ELMO1: variants seen among roughly 807,000 people sequenced by gnomAD.
ELMO1 encodes the protein engulfment and cell motility protein 1.
Under a neutral mutation model 98.9 loss-of-function variants are expected in ELMO1, and 26 were observed. The ratio of observed to expected loss-of-function variants is 0.26; its 90% CI spans 0.19 to 0.36. ELMO1 has a LOEUF of 0.36. Ranked by LOEUF, ELMO1 falls within the 10% of genes least tolerant of loss-of-function variation. The probability of loss-of-function intolerance (pLI) is 1.00; values close to 1 mark genes in which losing one functional copy is unlikely to be tolerated. For synonymous variants in ELMO1, 346 were observed against 346.0 expected, an observed-to-expected ratio of 1.00 and a Z score of 0.00; for missense variants, 627 against 935.2, an observed-to-expected ratio of 0.67 and a Z score of 4.30.
chr7:37,400,220 G>A (rs866179176), intron 1 of ELMO1, among the ~76,000 whole-genome samples: 21 of 152,056 alleles, frequency 1.4e-4, no homozygotes, highest in Non-Finnish European at 5.9e-5. Context: ...CCTTTGTCTC[G>A]CACACAGCAG....
chr7:37,105,689 A>G (rs761076110), intron 14 of ELMO1, among the ~76,000 whole-genome samples: 1 of 152,174 alleles, frequency 6.6e-6, no homozygotes, highest in African/African-American at 2.4e-5. Flanking sequence ...TACATTCCCA[A>G]TTTCCATCAT....
intron 15 of ELMO1, among the ~76,000 whole-genome samples, chr7:37,056,882 C>T (rs892694985): frequency 2.0e-5 from 3 of 152,162 alleles, no homozygotes; most frequent in Non-Finnish European, 4.4e-5. Flanking sequence ...CCAGTTACTG[C>T]ACCTCTGAAT....
intron 18 of ELMO1, among the ~76,000 whole-genome samples, 180 bp downstream of exon 18, chr7:36,887,380 T>C (rs559888314): frequency 2.0e-5 from 3 of 152,268 alleles, no homozygotes; most frequent in East Asian, 1.9e-4. Flanking sequence ...CTTCTGGTAA[T>C]TGTGGACTTT....
At chr7:37,197,854 A>G (rs913380052) in intron 13 of ELMO1, among the ~76,000 whole-genome samples, 3 of 151,990 alleles carry the variant, frequency 2.0e-5, no homozygotes, top group African/African-American at 4.8e-5. Flanking sequence ...AGGTACCAGG[A>G]CCCCATCACC....
chr7:37,291,285 T>C (rs1013313726), intron 4 of ELMO1, among the ~76,000 whole-genome samples: 7 of 152,198 alleles, frequency 4.6e-5, no homozygotes, highest in Non-Finnish European at 8.8e-5. Context: ...AGAGAATCTC[T>C]TTAAAATATA....
intron 1 of ELMO1, among the ~76,000 whole-genome samples, chr7:37,388,327 A>G (rs1802901103): frequency 6.6e-6 from 1 of 152,136 alleles, no homozygotes; most frequent in Non-Finnish European, 1.5e-5. Context: ...AGAACAAAAC[A>G]AGACTTACCA....
chr7:36,921,058 C>T (rs1260677918), intron 16 of ELMO1, among the ~76,000 whole-genome samples: 1 of 152,154 alleles, frequency 6.6e-6, no homozygotes, highest in African/African-American at 2.4e-5. Context: ...TAGTCCCTTC[C>T]ACCATGTGAG....
intron 4 of ELMO1, among the ~76,000 whole-genome samples, chr7:37,274,864 T>C (rs1170874568): frequency 6.6e-6 from 1 of 152,168 alleles, no homozygotes; most frequent in African/African-American, 2.4e-5. Flanking sequence ...AAATAATCTT[T>C]CTAATAATCA....
chr7:37,167,096 C>T (rs189660045), intron 13 of ELMO1, among the ~76,000 whole-genome samples: 3 of 152,122 alleles, frequency 2.0e-5, no homozygotes, highest in Non-Finnish European at 4.4e-5. Context: ...TATGTAATGG[C>T]CTTCTTTTTC....
At chr7:37,444,531 G>T (rs1355592514) in intron 1 of ELMO1, among the ~76,000 whole-genome samples, 2 of 149,568 alleles carry the variant, frequency 1.3e-5, no homozygotes, top group Non-Finnish European at 3.0e-5. Flanking sequence ...TTTTTTTTTT[G>T]AGATGGAGTC....
chr7:37,340,169 C>T (rs150953112), intron 2 of ELMO1, among the ~76,000 whole-genome samples: 13 of 152,196 alleles, frequency 8.5e-5, no homozygotes, highest in East Asian at 5.8e-4. Flanking sequence ...ATATGGATTA[C>T]GAACTGTGAA....
chr7:36,854,219 A>T lies in ELMO1; in HGVS notation c.*1332T>A, dbSNP rs944253174. 2.0e-5 allele frequency: 3 copies of T among 152,182 alleles called. No individual in the cohort carries two copies. The highest frequency in any genetic ancestry group is 2.9e-5 in the Non-Finnish European group (2 of 68,038). The allele number at this position is 152,182 out of a possible 1,614,324, so 9.4% of individuals were successfully genotyped here. ...AGGGTTTCCCACAGCAGTGTTTTTC[A>T]AACCAATGTACATAAACATCACCCA... On this transcript the variant is annotated 3_prime_UTR_variant, in exon 22 of 22. Transcript: ENST00000310758.
intron 19 of ELMO1, 23 bp downstream of exon 19, chr7:36,877,987 C>T: frequency 6.3e-7 from 1 of 1,589,134 alleles, no homozygotes; most frequent in Non-Finnish European, 8.6e-7. Context: ...CCACTCAGGC[C>T]TCTGCCAAGG....
intron 13 of ELMO1, among the ~76,000 whole-genome samples, chr7:37,161,617 T>C (rs945054381): frequency 1.3e-5 from 2 of 151,994 alleles, no homozygotes; most frequent in African/African-American, 4.8e-5. Context: ...CACTCATTTA[T>C]ACTTTCAGCA....
At chr7:37,273,546 A>G (rs1796677718) in intron 4 of ELMO1, among the ~76,000 whole-genome samples, 1 of 152,314 alleles carries the variant, frequency 6.6e-6, no homozygotes, top group African/African-American at 2.4e-5. Context: ...AGTCTCAGGT[A>G]GTTGTTTATA....
chr7:37,236,389 C>A (rs1794462890), intron 7 of ELMO1, among the ~76,000 whole-genome samples: 1 of 152,210 alleles, frequency 6.6e-6, no homozygotes. Context: ...CTCAAGTATC[C>A]ATTAGTGGGA....
intron 7 of ELMO1, among the ~76,000 whole-genome samples, chr7:37,241,050 G>C (rs1175947112): frequency 6.6e-6 from 1 of 152,044 alleles, no homozygotes; most frequent in African/African-American, 2.4e-5. Flanking sequence ...GGAAAGACTG[G>C]TCTTAAAATC....
At chr7:36,883,908 C>T (rs1804692148) in intron 18 of ELMO1, among the ~76,000 whole-genome samples, 1 of 152,180 alleles carries the variant, frequency 6.6e-6, no homozygotes. Flanking sequence ...CAGGCAATTT[C>T]CATGCCAAGG....
chr7:37,228,321 G>A (rs1355575121), intron 8 of ELMO1, among the ~76,000 whole-genome samples: 1 of 152,206 alleles, frequency 6.6e-6, no homozygotes, highest in Non-Finnish European at 1.5e-5. Flanking sequence ...TATAGCTAGA[G>A]AAGGTTATTC....
Sources: allele counts gnomAD v4.1 joint callset (sites outside exome capture counted in the v4.1 genomes callset), GRCh38; gene constraint gnomAD v4.1.1; transcripts MANE v1.5; gene names NCBI Gene and HGNC (gene_info 2026-07-23, HGNC 2026-07-21).